The following CRPPA variants were observed in gnomAD, a reference collection of about 807,000 sequenced individuals.
CRPPA encodes the protein D-ribitol-5-phosphate cytidylyltransferase.
A neutral mutation model predicts 52.0 loss-of-function variants in CRPPA; 43 were observed. The observed-to-expected ratio is 0.83, with a 90% CI of 0.65 to 1.07. The LOEUF (loss-of-function observed/expected upper bound fraction) is 1.07, where lower values mean the gene tolerates loss of function less well. Ranked by LOEUF, CRPPA falls within the 50% of genes least tolerant of loss-of-function variation. The pLI is 0.00. For missense variants in CRPPA, 629 were observed against 551.7 expected (o/e 1.14, Z -1.40); for synonymous variants, 250 against 203.5 (o/e 1.23, Z -1.94).
At chr7:16,153,834 A>C (rs1783123123) in intron 9 of CRPPA, among the ~76,000 whole-genome samples, 1 of 151,852 alleles carries the variant, frequency 6.6e-6, no homozygotes, top group African/African-American at 2.4e-5. Context: ...TTATCTTTCT[A>C]CCTCTTCCCT....
chr7:16,360,136 T>G (rs77609189), intron 3 of CRPPA, among the ~76,000 whole-genome samples: 101 of 152,338 alleles, frequency 6.6e-4, no homozygotes, highest in African/African-American at 2.4e-3. Flanking sequence ...GGAACAAGTG[T>G]GAACTAGGAT....
intron 9 of CRPPA, among the ~76,000 whole-genome samples, chr7:16,179,118 A>C (rs1381518724): frequency 1.3e-5 from 2 of 152,116 alleles, no homozygotes; most frequent in African/African-American, 4.8e-5. Flanking sequence ...AAATATTTTT[A>C]CATAATTCAA....
chr7:16,257,103 T>C (rs1426520890), intron 8 of CRPPA, among the ~76,000 whole-genome samples: 1 of 152,072 alleles, frequency 6.6e-6, no homozygotes. Context: ...ACTTTCATCC[T>C]TATAACAACT....
intron 8 of CRPPA, among the ~76,000 whole-genome samples, chr7:16,227,936 G>C (rs577505534): frequency 1.1e-4 from 17 of 151,806 alleles, no homozygotes; most frequent in Non-Finnish European, 2.2e-4. Context: ...TGAGATAAGG[G>C]TCTAATTCCA....
At chr7:16,406,461 AAC>A in intron 1 of CRPPA, 124 bp from the exon 2 acceptor site, 2 of 822,342 alleles carry the variant, frequency 2.4e-6, no homozygotes, top group Non-Finnish European at 3.8e-6. Flanking sequence ...AAGTTAATAA[AAC>A]AGTTTTATGC....
intron 9 of CRPPA, among the ~76,000 whole-genome samples, chr7:16,194,217 G>T (rs1444927598): frequency 6.6e-6 from 1 of 152,104 alleles, no homozygotes; most frequent in Non-Finnish European, 1.5e-5. Context: ...GGGAGAATGT[G>T]AACTGAGATT....
At chr7:16,185,975 C>G (rs1197707650) in intron 9 of CRPPA, among the ~76,000 whole-genome samples, 2 of 152,116 alleles carry the variant, frequency 1.3e-5, no homozygotes, top group African/African-American at 4.8e-5. Context: ...ATGTTCAGAG[C>G]AGTACCAATA....
At chr7:16,184,396 ATATT>A (rs1431970557) in intron 9 of CRPPA, among the ~76,000 whole-genome samples, 1 of 152,190 alleles carries the variant, frequency 6.6e-6, no homozygotes, top group African/African-American at 2.4e-5. Flanking sequence ...CTCATATTTC[ATATT>A]TATTTTGTAG....
At position 16,308,745 on chromosome 7, in the gene CRPPA, T is replaced by A. The variant is rs1784971423; in HGVS notation, c.685-118A>T. On this transcript the variant is annotated intron_variant, in intron 3 of 9. Transcript: ENST00000407010. ...AAGGGCCTAGGGGGCTCAAACTATT[T>A]AATCAGCTACTGACTGAGTTATAAC... 9 of 655,906 alleles carry A rather than the reference T, an allele frequency of 1.4e-5. No homozygotes were observed. In the East Asian group the frequency reaches 2.2e-4, roughly 16 times the overall value. 40.6% of individuals were successfully genotyped at this position (655,906 alleles called of 1,614,324 possible).
intron 2 of CRPPA, among the ~76,000 whole-genome samples, chr7:16,395,556 C>T (rs771952788): frequency 6.6e-6 from 1 of 152,160 alleles, no homozygotes; most frequent in Non-Finnish European, 1.5e-5. Context: ...TTCTAATCTC[C>T]TTCTGACAAA....
chr7:16,267,060 A>G (rs1174956492), intron 6 of CRPPA, among the ~76,000 whole-genome samples: 1 of 152,242 alleles, frequency 6.6e-6, no homozygotes, highest in Non-Finnish European at 1.5e-5. Context: ...TTGCAAGCTG[A>G]GAACTGGCAA....
intron 9 of CRPPA, among the ~76,000 whole-genome samples, chr7:16,196,324 C>T (rs1423615379): frequency 1.3e-5 from 2 of 152,046 alleles, no homozygotes; most frequent in East Asian, 1.9e-4. Context: ...TGTAGCTATC[C>T]TAAAGTTTCT....
intron 9 of CRPPA, among the ~76,000 whole-genome samples, chr7:16,154,281 A>G (rs1402939351): frequency 6.6e-6 from 1 of 152,064 alleles, no homozygotes; most frequent in African/African-American, 2.4e-5. Flanking sequence ...GGTTTGTTAC[A>G]GAGGTATACG....
At chr7:16,324,317 G>A (rs1785329250) in intron 3 of CRPPA, among the ~76,000 whole-genome samples, 1 of 152,170 alleles carries the variant, frequency 6.6e-6, no homozygotes, top group African/African-American at 2.4e-5. Flanking sequence ...AGGTCAGGAT[G>A]GTCTGACGAC....
intron 8 of CRPPA, among the ~76,000 whole-genome samples, chr7:16,231,443 G>T (rs1782793452): frequency 6.6e-6 from 1 of 152,126 alleles, no homozygotes; most frequent in East Asian, 1.9e-4. Context: ...GAAAGGGCTT[G>T]TCTAAACAAA....
intron 9 of CRPPA, among the ~76,000 whole-genome samples, chr7:16,140,964 T>A (rs558729454): frequency 3.9e-5 from 6 of 152,192 alleles, no homozygotes; most frequent in Non-Finnish European, 8.8e-5. Context: ...TGCTTGTGAA[T>A]GCCTAAAACT....
intron 9 of CRPPA, among the ~76,000 whole-genome samples, chr7:16,122,173 T>C (rs1318518816): frequency 2.0e-5 from 3 of 152,084 alleles, no homozygotes; most frequent in Admixed American, 6.5e-5. Context: ...AGCTGTTATA[T>C]AGAACACGCA....
At chr7:16,259,583 CAT>C (rs1301136148) in intron 6 of CRPPA, among the ~76,000 whole-genome samples, 6 of 151,950 alleles carry the variant, frequency 3.9e-5, no homozygotes, top group African/African-American at 1.2e-4. Flanking sequence ...GAGAAGAACA[CAT>C]ATTATGCAAA....
At chr7:16,195,592 A>G (rs545227753) in intron 9 of CRPPA, among the ~76,000 whole-genome samples, 1 of 152,246 alleles carries the variant, frequency 6.6e-6, no homozygotes, top group African/African-American at 2.4e-5. Flanking sequence ...AAAGTGCAGC[A>G]ATACCTGAAC....
Sources: allele counts gnomAD v4.1 joint callset (sites outside exome capture counted in the v4.1 genomes callset), GRCh38; gene constraint gnomAD v4.1.1; transcripts MANE v1.5; gene names NCBI Gene and HGNC (gene_info 2026-07-23, HGNC 2026-07-21).